Variants in RUNX1 observed in about 807,000 individuals in gnomAD.
RUNX1 encodes runt-related transcription factor 1.
Under a neutral mutation model 42.8 loss-of-function variants are expected in RUNX1, and 19 were observed. That is an observed-to-expected ratio of 0.44 (90% CI 0.31 to 0.65). The LOEUF is 0.65. Ranked by LOEUF, RUNX1 falls within the 30% of genes least tolerant of loss-of-function variation. The pLI, the probability that RUNX1 is intolerant of heterozygous loss-of-function variation, is 0.07. For missense variants in RUNX1, 528 were observed against 672.0 expected (o/e 0.79, Z 2.37); for synonymous variants, 271 against 289.4 (o/e 0.94, Z 0.64).
intron 2 of RUNX1, among the ~76,000 whole-genome samples, chr21:34,982,397 G>GGTGT (rs56091299): frequency 0.014 from 2,135 of 148,288 alleles, 27 homozygotes; most frequent in South Asian, 0.026. Flanking sequence ...AGTCAAAAGG[G>GGTGT]GTGTGTGTGT....
intron 7 of RUNX1, among the ~76,000 whole-genome samples, chr21:34,800,768 C>G (rs1233422893): frequency 6.6e-6 from 1 of 152,180 alleles, no homozygotes; most frequent in Admixed American, 6.5e-5. Flanking sequence ...CTCCCTCCCT[C>G]ATACTGATTC....
At chr21:34,894,880 AACACACACACACACACACACACAC>A (rs57230115) in intron 2 of RUNX1, among the ~76,000 whole-genome samples, 84 of 127,964 alleles carry the variant, frequency 6.6e-4, no homozygotes, top group Non-Finnish European at 6.9e-4. Context: ...CCTACATAGA[AACACACACACACACACACACACAC>A]ACACACACAC....
At chr21:34,846,595 T>C (rs1447307626) in intron 6 of RUNX1, among the ~76,000 whole-genome samples, 1 of 488 alleles carries the variant, frequency 2.0e-3, no homozygotes, top group Non-Finnish European at 4.1e-3. Flanking sequence ...GCTGCTGAGA[T>C]TGACTGAGCT....
rs371644210 is a variant in RUNX1 at position 34,952,214 on chromosome 21, C to T, written c.59-59251G>A. Among the ~76,000 whole-genome samples, 5 of 152,068 alleles carry T rather than the reference C, an allele frequency of 3.3e-5. No individual in the cohort carries two copies. The East Asian group carries it at 5.8e-4, about 18-fold the overall frequency. ...ACATAGGGAGAGGAACATCATCCAC[C>T]GGGGCCTGTCGGGGGATGGGGGTCT... On this transcript the variant is annotated intron_variant, in intron 2 of 8. Transcript: ENST00000675419.
chr21:34,877,608 A>C (rs747451185), intron 5 of RUNX1, among the ~76,000 whole-genome samples: 1 of 152,194 alleles, frequency 6.6e-6, no homozygotes, highest in South Asian at 2.1e-4. Flanking sequence ...GGAAGAAAAG[A>C]GAGAAGGTTC....
chr21:34,962,316 C>T (rs2058687309), intron 2 of RUNX1, among the ~76,000 whole-genome samples: 1 of 152,168 alleles, frequency 6.6e-6, no homozygotes, highest in South Asian at 2.1e-4. Flanking sequence ...TGTGTTTCGC[C>T]TGAGGCAAAG....
rs149178410 is a variant in RUNX1, at chr21:34,861,333, C to A, written c.509-1755G>T. ...AGGAAGATGCTGCCGCAGAGGGAGG[C>A]AGGTCCTGGGGGCAACTGCCCATCT... On this transcript the variant is annotated intron_variant, in intron 5 of 8. Coordinates refer to ENST00000675419, the MANE Select transcript of RUNX1 (RefSeq NM_001754.5). Among the ~76,000 whole-genome samples, 59 of 152,274 alleles carry A rather than the reference C, an allele frequency of 3.9e-4. 1 individual carries two copies. The East Asian group carries it at 0.011, about 28-fold the overall frequency.
At chr21:34,961,234 C>T (rs2058679774) in intron 2 of RUNX1, among the ~76,000 whole-genome samples, 1 of 151,958 alleles carries the variant, frequency 6.6e-6, no homozygotes, top group Admixed American at 6.6e-5. Context: ...ATTAGCCGGA[C>T]GTGGTGGCAT....
intron 7 of RUNX1, among the ~76,000 whole-genome samples, chr21:34,808,604 C>A (rs2056716012): frequency 6.6e-6 from 1 of 152,192 alleles, no homozygotes. Flanking sequence ...TAACCAGGCT[C>A]ACTTGCCTCA....
chr21:34,995,077 C>T (rs1008283809), intron 2 of RUNX1, among the ~76,000 whole-genome samples: 4 of 152,188 alleles, frequency 2.6e-5, no homozygotes, highest in Admixed American at 6.5e-5. Context: ...GACTGGTAGC[C>T]GAAGTCAGCA....
At chr21:34,881,300 C>A (rs541868102) in intron 4 of RUNX1, among the ~76,000 whole-genome samples, 46 of 152,252 alleles carry the variant, frequency 3.0e-4, no homozygotes, top group South Asian at 8.3e-4. Flanking sequence ...CACAAAAAAA[C>A]CCAATTTCTG....
intron 2 of RUNX1, among the ~76,000 whole-genome samples, chr21:34,958,405 T>G (rs1247077784): frequency 6.6e-6 from 1 of 152,144 alleles, no homozygotes; most frequent in African/African-American, 2.4e-5. Flanking sequence ...GAACAGACAC[T>G]TCTCAAAAGA....
chr21:34,901,406 G>A lies in RUNX1; in HGVS notation c.59-8443C>T, dbSNP rs2058176524. 6.6e-6 allele frequency among the ~76,000 whole-genome samples: 1 copy of A among 152,100 alleles called. No homozygotes were observed. The highest frequency in any genetic ancestry group is 1.5e-5 in the Non-Finnish European group (1 of 68,008). On this transcript the variant is annotated intron_variant, in intron 2 of 8. Coordinates refer to ENST00000675419, the MANE Select transcript of RUNX1 (RefSeq NM_001754.5). This position sits in a 1 kb window ranked among gnomAD's most constrained non-coding sequence, Gnocchi z 4.3. ...CGCGTGCCTGTAGTCCCAGCTACTC[G>A]AGAGGCTAAGGCGGGAGAATCGCTT...
intron 2 of RUNX1, among the ~76,000 whole-genome samples, chr21:34,999,491 C>G (rs778393146): frequency 1.3e-5 from 2 of 152,220 alleles, no homozygotes; most frequent in Non-Finnish European, 1.5e-5. Flanking sequence ...TGCTCAACAG[C>G]TGACCCCTGA....
chr21:34,936,420 C>T (rs2058486122), intron 2 of RUNX1, among the ~76,000 whole-genome samples: 1 of 152,194 alleles, frequency 6.6e-6, no homozygotes, highest in Non-Finnish European at 1.5e-5. Context: ...AGGAATGAGA[C>T]TTGCTGGCGA....
At chr21:34,903,137 T>C (rs1246074756) in intron 2 of RUNX1, among the ~76,000 whole-genome samples, 1 of 152,208 alleles carries the variant, frequency 6.6e-6, no homozygotes, top group African/African-American at 2.4e-5. Flanking sequence ...TGCTATCGTA[T>C]TCTATAATTT....
At chr21:34,857,829 A>G (rs2057516495) in intron 6 of RUNX1, among the ~76,000 whole-genome samples, 1 of 152,172 alleles carries the variant, frequency 6.6e-6, no homozygotes, top group Non-Finnish European at 1.5e-5. Context: ...CTACTCTGGA[A>G]ACCTAAGAAG....
intron 2 of RUNX1, among the ~76,000 whole-genome samples, chr21:35,003,685 T>G (rs2146884717): frequency 6.6e-6 from 1 of 152,326 alleles, no homozygotes; most frequent in Admixed American, 6.5e-5. Flanking sequence ...TAATGGCACC[T>G]CTTCAAGGCT....
Position 34,845,688 on chromosome 21 carries a change from C to T in RUNX1, c.614-11087G>A, listed in dbSNP as rs530861896. ...TCTTTTCCCAGCCGGAGGGGGACCC[C>T]GCCCCACTCCCTTCCCAGTCTCTTC... On this transcript the variant is annotated intron_variant, in intron 6 of 8. Coordinates refer to ENST00000675419, the MANE Select transcript of RUNX1 (RefSeq NM_001754.5). 2.0e-5 allele frequency among the ~76,000 whole-genome samples: 3 copies of T among 152,254 alleles called. No homozygotes were observed. The South Asian group carries it at 6.2e-4, about 32-fold the overall frequency.
Sources: gnomAD v4.1 joint callset for allele counts (sites outside exome capture counted in the v4.1 genomes callset) on GRCh38, gnomAD v4.1.1 for gene constraint, Gnocchi (gnomAD v3.1) non-coding constraint, MANE v1.5 for transcripts, NCBI Gene and HGNC (gene_info 2026-07-23, HGNC 2026-07-21) for gene names.